VPS13B: variants seen among roughly 807,000 people sequenced by gnomAD.
The protein encoded by VPS13B is intermembrane lipid transfer protein VPS13B.
In VPS13B, 285 loss-of-function variants were observed where a neutral mutation model predicts 426.4. The ratio of observed to expected loss-of-function variants is 0.67; its 90% CI spans 0.61 to 0.74. VPS13B has a LOEUF of 0.74. VPS13B is among the 30% of genes least tolerant of loss of function. The probability of loss-of-function intolerance (pLI) is 0.00; values close to 1 mark genes in which losing one functional copy is unlikely to be tolerated. For synonymous variants in VPS13B, 1,676 were observed against 1,676.4 expected, an observed-to-expected ratio of 1.00 and a Z score of 0.01; for missense variants, 4,537 against 4,782.6, an observed-to-expected ratio of 0.95 and a Z score of 1.51.
At chr8:99,088,373 T>C (rs1845959526) in intron 3 of VPS13B, among the ~76,000 whole-genome samples, 1 of 152,124 alleles carries the variant, frequency 6.6e-6, no homozygotes. Context: ...TTTGCAATGT[T>C]AGAGCAGACA....
Position 99,143,135 on chromosome 8 carries a change from G to A in VPS13B, c.1813G>A (p.Glu605Lys). The A allele has an allele frequency of 6.2e-7, 1 of 1,613,972 alleles. No individual in the cohort carries two copies. Among genetic ancestry groups the A allele is most frequent in the Non-Finnish European group, 8.5e-7 (1 of 1,179,948 alleles). Reference protein sequence around the residue: ...LKMIVCALEHEYEPYSRLKSD... With the variant: ...LKMIVCALEHKYEPYSRLKSD... ...AATGATTGTGTGTGCCTTGGAACATGAATATGAACCATATAGCAGGCTAAA... is the reference window on the plus strand; with the variant it reads ...AATGATTGTGTGTGCCTTGGAACATAAATATGAACCATATAGCAGGCTAAA... Residue 605 changes from glutamate (E) to lysine (K), a missense_variant, in exon 13 of 62, where the codon GAA becomes AAA. Coordinates refer to ENST00000357162, the MANE Select transcript of VPS13B (RefSeq NM_152564.5).
rs556917185 is a variant in VPS13B, at chr8:99,718,000, T to C, written c.6657+627T>C. On this transcript the variant is annotated intron_variant, in intron 37 of 61. Transcript: ENST00000357162. ...TGCCATGACCATTTGTGTACGACTT[T>C]TTGTGTGGATATATGTTTTGATTTC... Among the ~76,000 whole-genome samples the C allele has an allele frequency of 3.9e-5, 6 of 152,296 alleles. 1 individual carries two copies. In the East Asian group the frequency reaches 7.7e-4, roughly 20 times the overall value.
At chr8:99,396,675 A>G (rs929550430) in intron 21 of VPS13B, among the ~76,000 whole-genome samples, 1 of 152,012 alleles carries the variant, frequency 6.6e-6, no homozygotes. Context: ...GTCCCGTGGC[A>G]CTAAGATAGT....
intron 39 of VPS13B, among the ~76,000 whole-genome samples, chr8:99,764,008 A>G (rs1427204138): frequency 6.6e-6 from 1 of 152,196 alleles, no homozygotes. Flanking sequence ...AGAATTACTT[A>G]TTTAGGAAAG....
intron 23 of VPS13B, among the ~76,000 whole-genome samples, chr8:99,461,139 G>A (rs1442147548): frequency 6.6e-6 from 1 of 151,494 alleles, no homozygotes; most frequent in Non-Finnish European, 1.5e-5. Context: ...CTTTTCTCAA[G>A]CTACTTCATG....
At chr8:99,705,910 TATCAGAGCG>T (rs1832479428) in intron 36 of VPS13B, among the ~76,000 whole-genome samples, 1 of 152,104 alleles carries the variant, frequency 6.6e-6, no homozygotes, top group Non-Finnish European at 1.5e-5. Context: ...AAACTTAGGA[TATCAGAGCG>T]ATCTCATGTG....
intron 25 of VPS13B, among the ~76,000 whole-genome samples, chr8:99,498,956 AT>A (rs1821083568): frequency 6.6e-6 from 1 of 152,142 alleles, no homozygotes; most frequent in African/African-American, 2.4e-5. Flanking sequence ...TGCAGGAGTT[AT>A]TTTGATAAGA....
rs532755692 is a variant in VPS13B at position 99,606,094 on chromosome 8, G to A, written c.5220+28461G>A. 3.3e-5 allele frequency among the ~76,000 whole-genome samples: 5 copies of A among 151,870 alleles called. No individual in the cohort carries two copies. The East Asian group carries it at 7.8e-4, about 24-fold the overall frequency. ...TATTATTTTTTTTTTCGGTAGATAC[G>A]GGGTTTTGCCATGTTGCCCAGGCTG... On this transcript the variant is annotated intron_variant, in intron 33 of 61. Coordinates refer to ENST00000357162, the MANE Select transcript of VPS13B (RefSeq NM_152564.5).
At chr8:99,044,891 CA>C (rs1240625363) in intron 3 of VPS13B, among the ~76,000 whole-genome samples, 1 of 147,874 alleles carries the variant, frequency 6.8e-6, no homozygotes, top group South Asian at 2.2e-4. Flanking sequence ...CACACACACA[CA>C]CACACACCAC....
chr8:99,246,064 A>C (rs1237888803), intron 17 of VPS13B, among the ~76,000 whole-genome samples: 1 of 152,294 alleles, frequency 6.6e-6, no homozygotes, highest in East Asian at 1.9e-4. Flanking sequence ...CGCTTTCTCA[A>C]CCAAGCCTTT....
intron 19 of VPS13B, among the ~76,000 whole-genome samples, chr8:99,361,375 A>C (rs1316731388): frequency 6.6e-6 from 1 of 152,162 alleles, no homozygotes; most frequent in African/African-American, 2.4e-5. Context: ...ATGGTCTTTG[A>C]ATGGTCTCTT....
chr8:99,407,373 A>C (rs1053538250), intron 21 of VPS13B, among the ~76,000 whole-genome samples: 1 of 152,132 alleles, frequency 6.6e-6, no homozygotes, highest in Non-Finnish European at 1.5e-5. Context: ...ATAGTCATAC[A>C]TATGTGGTTT....
At chr8:99,215,605 C>T (rs140194247) in intron 17 of VPS13B, among the ~76,000 whole-genome samples, 116 of 152,258 alleles carry the variant, frequency 7.6e-4, no homozygotes, top group South Asian at 1.7e-3. Flanking sequence ...CCCCTGCCTC[C>T]TGTGAAGGCA....
Position 99,672,279 on chromosome 8 carries a change from GAT to G in VPS13B, c.6046+10791_6046+10792del, listed in dbSNP as rs747021906. Among the ~76,000 whole-genome samples the G allele has an allele frequency of 1.5e-4, 23 of 152,068 alleles. No homozygotes were observed. In the East Asian group the frequency reaches 1.7e-3, roughly 11 times the overall value. On this transcript the variant is annotated intron_variant, in intron 35 of 61. Coordinates refer to ENST00000357162, the MANE Select transcript of VPS13B (RefSeq NM_152564.5). ...TAATTCTTCCAGTTCATGAACACAG[GAT>G]ATCTTTCCATTGATCACCGTTTTAT...
chr8:99,093,118 A>G (rs957831280), intron 3 of VPS13B, among the ~76,000 whole-genome samples: 2 of 152,024 alleles, frequency 1.3e-5, no homozygotes, highest in East Asian at 1.9e-4. Context: ...TATAAATTTT[A>G]TGATGTAGAG....
chr8:99,469,231 G>T (rs1298516630), intron 24 of VPS13B, among the ~76,000 whole-genome samples: 1 of 147,686 alleles, frequency 6.8e-6, no homozygotes, highest in Non-Finnish European at 1.5e-5. Context: ...GTGCAGTGGT[G>T]CAATCACAGC....
chr8:99,378,433 C>T (rs536605917), intron 19 of VPS13B, among the ~76,000 whole-genome samples: 1 of 152,150 alleles, frequency 6.6e-6, no homozygotes, highest in Non-Finnish European at 1.5e-5. Context: ...ACATCCTCAG[C>T]TTATGAAGAT....
intron 25 of VPS13B, among the ~76,000 whole-genome samples, chr8:99,497,141 T>C (rs995926810): frequency 5.7e-5 from 7 of 122,216 alleles, no homozygotes; most frequent in African/African-American, 1.5e-4. Context: ...TATATAAATA[T>C]ATATATTTAT....
At chr8:99,624,723 T>C (rs558529774) in intron 33 of VPS13B, among the ~76,000 whole-genome samples, 1 of 152,274 alleles carries the variant, frequency 6.6e-6, no homozygotes, top group African/African-American at 2.4e-5. Context: ...AGGTTTTTCA[T>C]TGTGATTTAA....
Sources: gnomAD v4.1 joint callset for allele counts (sites outside exome capture counted in the v4.1 genomes callset) on GRCh38, gnomAD v4.1.1 for gene constraint, MANE v1.5 for transcripts, NCBI Gene and HGNC (gene_info 2026-07-23, HGNC 2026-07-21) for gene names.